The following DAB2 variants were observed in gnomAD, a reference collection of about 807,000 sequenced individuals.
DAB2 encodes disabled homolog 2.
A neutral mutation model predicts 71.6 loss-of-function variants in DAB2; 28 were observed. The observed-to-expected ratio is 0.39, with a 90% CI of 0.29 to 0.54. The LOEUF (loss-of-function observed/expected upper bound fraction) is 0.54. DAB2 is among the 20% of genes least tolerant of loss of function. The probability of loss-of-function intolerance (pLI) is 0.68; values close to 1 mark genes in which losing one functional copy is unlikely to be tolerated. For missense variants in DAB2, 867 were observed against 928.8 expected (o/e 0.93, Z 0.86); for synonymous variants, 345 against 339.7 (o/e 1.02, Z -0.17).
At chr5:39,398,732 T>A (rs1308905316) in intron 1 of DAB2, among the ~76,000 whole-genome samples, 2 of 152,136 alleles carry the variant, frequency 1.3e-5, no homozygotes, top group African/African-American at 4.8e-5. Context: ...AAAGTGTACA[T>A]CCAGTTATGC....
chr5:39,411,222 A>G lies in DAB2; in HGVS notation c.-102+13582T>C, dbSNP rs544308321. On this transcript the variant is annotated intron_variant, in intron 1 of 14. Coordinates refer to ENST00000320816, the MANE Select transcript of DAB2 (RefSeq NM_001343.4). ...GAAATACTCATATTTATATTGAACTAAAAAAAGGTTTCTGGTTAGTCTACC... is the reference window on the plus strand; with the variant it reads ...GAAATACTCATATTTATATTGAACTGAAAAAAGGTTTCTGGTTAGTCTACC... 3.9e-5 allele frequency among the ~76,000 whole-genome samples: 6 copies of G among 152,118 alleles called. No individual in the cohort carries two copies. In the East Asian group the frequency reaches 1.2e-3, roughly 29 times the overall value.
chr5:39,415,483 C>A (rs1755825646), intron 1 of DAB2, among the ~76,000 whole-genome samples: 2 of 152,156 alleles, frequency 1.3e-5, no homozygotes, highest in Non-Finnish European at 1.5e-5. Context: ...ATTCTAGAAC[C>A]AGACATGTTC....
Position 39,382,655 on chromosome 5 carries a change from T to G in DAB2, c.1304A>C (p.Gln435Pro). The G allele has an allele frequency of 1.2e-6, 2 of 1,614,040 alleles. No individual in the cohort carries two copies. Among genetic ancestry groups the G allele is most frequent in the South Asian group, 1.1e-5 (1 of 91,064 alleles). The stretch of plus-strand genomic sequence containing the variant: ...TCTGCCTCTTCCTGGTTTGGTACTT[T>G]GTGGAGGTGGGATAATGGCTATGGA... ...HDSIAIIPPP[Q>P]STKPGRGRRT... Residue 435 changes from glutamine (Q) to proline (P), a missense_variant, in exon 10 of 15, where the codon CAA (glutamine) becomes CCA (proline). Around this residue, in one of 2 missense-constraint regions of DAB2, gnomAD observed 740 missense variants for 734.3 expected, o/e 1.01. Coordinates refer to ENST00000320816, the MANE Select transcript of DAB2 (RefSeq NM_001343.4).
At chr5:39,419,419 C>A (rs192537499) in intron 1 of DAB2, among the ~76,000 whole-genome samples, 2 of 152,222 alleles carry the variant, frequency 1.3e-5, no homozygotes, top group East Asian at 3.9e-4. Flanking sequence ...AATGATAACA[C>A]CTTGGGCAAG....
rs147810542 is a variant in DAB2 at position 39,415,532 on chromosome 5, C to T, written c.-102+9272G>A. Among the ~76,000 whole-genome samples, 132 of 152,258 alleles carry T rather than the reference C, an allele frequency of 8.7e-4. 1 individual carries two copies. Among genetic ancestry groups the T allele is most frequent in the African/African-American group, 3.1e-3 (127 of 41,552 alleles). On this transcript the variant is annotated intron_variant, in intron 1 of 14. Coordinates refer to ENST00000320816, the MANE Select transcript of DAB2 (RefSeq NM_001343.4). The stretch of plus-strand genomic sequence containing the variant: ...ATTACCAGATTTTCTAAGAATACAA[C>T]GTGTCACTTTCAGATCAGGCCAAAC...
At chr5:39,383,843 T>C (rs1370537457) in intron 9 of DAB2, among the ~76,000 whole-genome samples, 1 of 152,196 alleles carries the variant, frequency 6.6e-6, no homozygotes, top group Non-Finnish European at 1.5e-5. Flanking sequence ...ATCAAATGCA[T>C]TTCCCTAAAA....
At chr5:39,421,775 G>GC (rs1235672942) in intron 1 of DAB2, among the ~76,000 whole-genome samples, 1 of 151,984 alleles carries the variant, frequency 6.6e-6, no homozygotes, top group Non-Finnish European at 1.5e-5. Context: ...GATTCATCTG[G>GC]CCGGGTGTGG....
intron 1 of DAB2, among the ~76,000 whole-genome samples, chr5:39,409,594 C>A (rs967192464): frequency 6.6e-6 from 1 of 152,180 alleles, no homozygotes; most frequent in Admixed American, 6.5e-5. Context: ...CCTAAAATCA[C>A]ACCTGTTAGT....
Position 39,388,828 on chromosome 5 carries a change from G to A in DAB2, c.595C>T (p.Leu199=), listed in dbSNP as rs866263388. ...VENGSEALMI[L]DDQTNKLKSG... is the part of the protein sequence containing the mutation. ...TTCAGTTTGTTAGTTTGGTCATCTAGAATCATTAGGGCCTCACTCCCATTC... is the reference window on the plus strand; with the variant it reads ...TTCAGTTTGTTAGTTTGGTCATCTAAAATCATTAGGGCCTCACTCCCATTC... Residue 199 remains leucine (L), a synonymous_variant, in exon 8 of 15, where the codon CTA becomes TTA. Coordinates refer to ENST00000320816, the MANE Select transcript of DAB2 (RefSeq NM_001343.4). The A allele has an allele frequency of 6.2e-7, 1 of 1,613,314 alleles. No homozygotes were observed. Among genetic ancestry groups the A allele is most frequent in the Non-Finnish European group, 8.5e-7 (1 of 1,179,348 alleles).
chr5:39,376,313 A>G (rs930950886), intron 12 of DAB2, among the ~76,000 whole-genome samples: 1 of 152,180 alleles, frequency 6.6e-6, no homozygotes, highest in Non-Finnish European at 1.5e-5. Context: ...AGTGGAAGAG[A>G]TTCAGAATCC....
At chr5:39,393,653 A>T (rs983695195) in intron 2 of DAB2, among the ~76,000 whole-genome samples, 1 of 151,938 alleles carries the variant, frequency 6.6e-6, no homozygotes, top group East Asian at 1.9e-4. Flanking sequence ...GTATGGGAAT[A>T]TGGGAGGTGG....
At position 39,390,642 on chromosome 5, in the gene DAB2, A is replaced by T. The variant is rs544831571; in HGVS notation, c.331-67T>A. The stretch of plus-strand genomic sequence containing the variant: ...AATCTATTTGCAGGCTAGCACACCG[A>T]AGCCTCAGACACATATATGAAGGCA... On this transcript the variant is annotated intron_variant, in intron 4 of 14. Coordinates refer to ENST00000320816, the MANE Select transcript of DAB2 (RefSeq NM_001343.4). 2.8e-5 allele frequency: 36 copies of T among 1,274,162 alleles called. No individual in the cohort carries two copies. In the South Asian group the frequency reaches 3.0e-4, roughly 11 times the overall value. 78.9% of individuals were successfully genotyped at this position (1,274,162 alleles called of 1,614,324 possible).
At chr5:39,398,709 C>A (rs1755434053) in intron 1 of DAB2, among the ~76,000 whole-genome samples, 1 of 152,138 alleles carries the variant, frequency 6.6e-6, no homozygotes, top group Non-Finnish European at 1.5e-5. Flanking sequence ...AGACTTATTG[C>A]AAGATTTTAA....
At chr5:39,388,249 A>C in intron 9 of DAB2, 56 bp downstream of exon 9, 1 of 1,297,966 alleles carries the variant, frequency 7.7e-7, no homozygotes, top group Middle Eastern at 2.0e-4. Context: ...GGTTATTGCC[A>C]ATTTGAGTTA....
Position 39,381,477 on chromosome 5 carries a change from G to T in DAB2, c.1481C>A (p.Pro494Gln). The T allele has an allele frequency of 6.2e-7, 1 of 1,614,052 alleles. No individual in the cohort carries two copies. Among genetic ancestry groups the T allele is most frequent in the South Asian group, 1.1e-5 (1 of 91,068 alleles). ...ACCTAGACCCACCAGGGGCCCCACT[G>T]GGGCAGGAGCACTTGTTTTGAAGAG... ...LDLFKTSAPA[P>Q]VGPLVGLGGV... The change falls in exon 11 of 15, where the codon CCA becomes CAA. Residue 494 changes from proline to glutamine, a missense_variant. Pro to Gln is a moderately conservative substitution (Grantham distance 76). Around this residue, in one of 2 missense-constraint regions of DAB2, gnomAD observed 740 missense variants for 734.3 expected, o/e 1.01. Transcript: ENST00000320816.
chr5:39,409,495 C>T (rs1755674049), intron 1 of DAB2, among the ~76,000 whole-genome samples: 1 of 152,140 alleles, frequency 6.6e-6, no homozygotes. Context: ...CAATAAAACA[C>T]CGACTTAATA....
intron 1 of DAB2, among the ~76,000 whole-genome samples, chr5:39,410,360 T>C (rs544312082): frequency 6.6e-6 from 1 of 152,320 alleles, no homozygotes; most frequent in Non-Finnish European, 1.5e-5. Flanking sequence ...TTACTTTTGA[T>C]CTGGACATAA....
chr5:39,405,664 G>T (rs1380628190), intron 1 of DAB2, among the ~76,000 whole-genome samples: 11 of 152,184 alleles, frequency 7.2e-5, no homozygotes, highest in African/African-American at 2.7e-4. Context: ...AGCTTTTGCA[G>T]AGCTCTGTAT....
chr5:39,377,516 G>A (rs1395971327), intron 11 of DAB2, among the ~76,000 whole-genome samples: 2 of 152,106 alleles, frequency 1.3e-5, no homozygotes, highest in African/African-American at 4.8e-5. Context: ...TTCCTACCAT[G>A]TCTTTTTAAC....
Sources: gnomAD v4.1 joint callset for allele counts (sites outside exome capture counted in the v4.1 genomes callset) on GRCh38, gnomAD v4.1.1 for gene constraint, gnomAD v4.1.1 regional missense constraint, MANE v1.5 for transcripts, NCBI Gene and HGNC (gene_info 2026-07-23, HGNC 2026-07-21) for gene names.